Variants in PTPN14 observed in about 807,000 individuals in gnomAD.
The protein encoded by PTPN14 is tyrosine-protein phosphatase non-receptor type 14.
A neutral mutation model predicts 126.8 loss-of-function variants in PTPN14; 53 were observed. That is an observed-to-expected ratio of 0.42 (90% CI 0.34 to 0.53). The LOEUF (loss-of-function observed/expected upper bound fraction) is 0.53. Among genes scored for constraint, PTPN14 ranks in the 20% least tolerant of loss-of-function variants. PTPN14 has a pLI of 0.08. For synonymous variants in PTPN14, 630 were observed against 599.3 expected, an observed-to-expected ratio of 1.05 and a Z score of -0.75; for missense variants, 1,257 against 1,552.9, an observed-to-expected ratio of 0.81 and a Z score of 3.20.
chr1:214,521,935 GCT>G (rs907602911), intron 1 of PTPN14, among the ~76,000 whole-genome samples: 1 of 131,330 alleles, frequency 7.6e-6, no homozygotes, highest in African/African-American at 3.2e-5. Context: ...TAAATCTGAA[GCT>G]TTTTTTTTTT....
chr1:214,443,859 C>A (rs1435942909), intron 3 of PTPN14, among the ~76,000 whole-genome samples: 1 of 152,168 alleles, frequency 6.6e-6, no homozygotes, highest in East Asian at 1.9e-4. Flanking sequence ...AGTGGCATTG[C>A]CTTCTCCTGG....
chr1:214,476,502 T>C (rs1660871289), intron 1 of PTPN14, among the ~76,000 whole-genome samples: 1 of 152,134 alleles, frequency 6.6e-6, no homozygotes. Flanking sequence ...GTTTCCTTCC[T>C]CCCATGCCTG....
At chr1:214,548,180 C>T (rs1282029277) in intron 1 of PTPN14, among the ~76,000 whole-genome samples, 2 of 152,296 alleles carry the variant, frequency 1.3e-5, no homozygotes, top group East Asian at 3.9e-4. Context: ...TGACGTCCAT[C>T]CAACATCACA....
intron 7 of PTPN14, 113 bp from the exon 8 acceptor site, chr1:214,398,114 A>G: frequency 1.2e-6 from 1 of 814,642 alleles, no homozygotes; most frequent in Non-Finnish European, 2.0e-6. Flanking sequence ...GAATGGATAA[A>G]GAAAACGTGG....
chr1:214,482,667 A>G (rs1300121366), intron 1 of PTPN14: 4 of 778,100 alleles, frequency 5.1e-6, no homozygotes, highest in South Asian at 2.2e-5. Flanking sequence ...CTGATTTTAC[A>G]CAACTTCTAT....
rs538677354 is a variant in PTPN14, at chr1:214,352,681, T to C, written c.*5241A>G. The C allele has an allele frequency of 1.2e-4, 18 of 152,360 alleles. No individual in the cohort carries two copies. Among genetic ancestry groups the C allele is most frequent in the Admixed American group, 6.5e-4 (10 of 15,298 alleles). 9.4% of individuals were successfully genotyped at this position (152,360 alleles called of 1,614,324 possible). On this transcript the variant is annotated 3_prime_UTR_variant, in exon 19 of 19. Transcript: ENST00000366956. ...ACATCTTACAGCTTTATTTCCACCC[T>C]ATAGGGCCAACTAGTGTGCCAACCA...
chr1:214,435,936 A>G (rs1469706256), intron 3 of PTPN14, among the ~76,000 whole-genome samples: 2 of 152,186 alleles, frequency 1.3e-5, no homozygotes, highest in Non-Finnish European at 2.9e-5. Context: ...ATAAAGACAC[A>G]TGCACATGTA....
At chr1:214,359,474 G>A (rs559307859) in intron 18 of PTPN14, among the ~76,000 whole-genome samples, 3 of 149,990 alleles carry the variant, frequency 2.0e-5, no homozygotes, top group East Asian at 2.0e-4. Flanking sequence ...CGCCTGCCTC[G>A]GCCTCCCAAA....
chr1:214,382,745 C>T (rs537137995), intron 13 of PTPN14, among the ~76,000 whole-genome samples: 3 of 152,194 alleles, frequency 2.0e-5, no homozygotes, highest in Non-Finnish European at 4.4e-5. Context: ...GAATTTTTGA[C>T]AGAATAAGTT....
At chr1:214,401,576 T>C (rs776414673) in intron 7 of PTPN14, 109 bp downstream of exon 7, 12 of 915,812 alleles carry the variant, frequency 1.3e-5, no homozygotes, top group African/African-American at 1.7e-5. Context: ...TAAGGCTGCA[T>C]AGCAAAAAGA....
intron 1 of PTPN14, among the ~76,000 whole-genome samples, chr1:214,500,189 T>C (rs1377866727): frequency 6.6e-6 from 1 of 152,070 alleles, no homozygotes; most frequent in Non-Finnish European, 1.5e-5. Context: ...CCCCCAAATA[T>C]GTAAGACATA....
chr1:214,479,690 T>G (rs1660944609), intron 1 of PTPN14, among the ~76,000 whole-genome samples: 1 of 152,138 alleles, frequency 6.6e-6, no homozygotes, highest in African/African-American at 2.4e-5. Context: ...TTAAAACAGC[T>G]TATGTCCTGA....
At chr1:214,489,172 G>A (rs1367992531) in intron 1 of PTPN14, among the ~76,000 whole-genome samples, 2 of 152,176 alleles carry the variant, frequency 1.3e-5, no homozygotes, top group Non-Finnish European at 2.9e-5. Context: ...CAAGCATGGT[G>A]TTAAGCATTT....
rs1210016787 is a variant in PTPN14, at chr1:214,394,921, T to C, written c.824A>G (p.Glu275Gly). 4 of 1,613,496 alleles carry C rather than the reference T, an allele frequency of 2.5e-6. No homozygotes were observed. The part of the protein sequence containing the change: ...STILVELINK[E>G]ETALFHTDDI... ...TACCGTGTGAAAGAGGGCAGTCTCT[T>C]CTTTGTTGATGAGCTCCACTAGAAT... Residue 275 changes from glutamate (E) to glycine (G), a missense_variant, in exon 9 of 19, where the codon GAA (glutamate) becomes GGA (glycine). Glu to Gly is a moderately conservative substitution (Grantham distance 98, BLOSUM62 -2). Transcript: ENST00000366956.
intron 7 of PTPN14, among the ~76,000 whole-genome samples, chr1:214,399,314 TAGAG>T (rs1658962942): frequency 2.0e-5 from 3 of 152,144 alleles, no homozygotes; most frequent in South Asian, 2.1e-4. Flanking sequence ...ACTATATAGA[TAGAG>T]AGATAGATAT....
At chr1:214,436,568 G>A (rs1281918173) in intron 3 of PTPN14, among the ~76,000 whole-genome samples, 4 of 151,848 alleles carry the variant, frequency 2.6e-5, no homozygotes, top group African/African-American at 7.3e-5. Flanking sequence ...AGGCTGAGGC[G>A]GGCAGATCAC....
intron 3 of PTPN14, among the ~76,000 whole-genome samples, chr1:214,447,254 C>G (rs1365622398): frequency 2.6e-5 from 4 of 152,116 alleles, no homozygotes; most frequent in Non-Finnish European, 4.4e-5. Flanking sequence ...AAGGCAGTTT[C>G]AATATTCAGT....
chr1:214,540,743 T>TA (rs80204926), intron 1 of PTPN14, among the ~76,000 whole-genome samples: 13 of 149,954 alleles, frequency 8.7e-5, no homozygotes, highest in East Asian at 1.9e-4. Flanking sequence ...TTTATTTATT[T>TA]AAAAAAAAAA....
intron 3 of PTPN14, among the ~76,000 whole-genome samples, chr1:214,431,794 T>C (rs1217269144): frequency 6.6e-6 from 1 of 152,168 alleles, no homozygotes; most frequent in Non-Finnish European, 1.5e-5. Flanking sequence ...AAAAAGTTGT[T>C]ACAAGGGCTA....
Sources: gnomAD v4.1 joint callset for allele counts (sites outside exome capture counted in the v4.1 genomes callset) on GRCh38, gnomAD v4.1.1 for gene constraint, MANE v1.5 for transcripts, NCBI Gene and HGNC (gene_info 2026-07-23, HGNC 2026-07-21) for gene names.